STAP2: variants seen among roughly 807,000 people sequenced by gnomAD.
STAP2 encodes the protein signal-transducing adaptor protein 2.
In STAP2, 58 loss-of-function variants were observed where a neutral mutation model predicts 52.7. The ratio of observed to expected loss-of-function variants is 1.10; its 90% CI spans 0.89 to 1.37. The LOEUF (loss-of-function observed/expected upper bound fraction) is 1.37. STAP2 is among the 40% of genes most tolerant of loss of function. STAP2 has a pLI of 0.00. For missense variants in STAP2, 522 were observed against 519.4 expected (o/e 1.00, Z -0.05); for synonymous variants, 231 against 210.5 (o/e 1.10, Z -0.84).
chr19:4,324,250 C>T, intron 12 of STAP2, 53 bp from the exon 13 acceptor site: 2 of 1,528,818 alleles, frequency 1.3e-6, no homozygotes, highest in Non-Finnish European at 1.8e-6. Context: ...CCAGTCCATG[C>T]CCACCGCCCT....
At position 4,324,377 on chromosome 19, in the gene STAP2, C is replaced by T. The variant is rs574928006; in HGVS notation, c.1147+78G>A. 3.4e-5 allele frequency: 48 copies of T among 1,392,522 alleles called. No homozygotes were observed. In the East Asian group the frequency reaches 7.3e-4, roughly 21 times the overall value. 86.3% of individuals were successfully genotyped at this position (1,392,522 alleles called of 1,614,324 possible). A position where few individuals can be genotyped will look rare whatever the true frequency, so the allele number is the denominator to read the frequency against. On this transcript the variant is annotated intron_variant, in intron 12 of 12. Transcript: ENST00000594605. ...CAGAACCTTAAAAGACAGGGCGCTT[C>T]GGAGTGTGGGGACTTGTGTGACTGT...
intron 5 of STAP2, 120 bp downstream of exon 5, chr19:4,329,841 G>A (rs1248673175): frequency 1.3e-5 from 3 of 234,346 alleles, no homozygotes; most frequent in Admixed American, 4.4e-5. Context: ...CAGCCCCAAG[G>A]CAGTCCTCAT....
In STAP2 at chr19:4,324,629, C is replaced by T. The variant is rs771729090; in HGVS notation, c.1073-100G>A. 4.3e-5 allele frequency: 53 copies of T among 1,236,130 alleles called. No individual in the cohort carries two copies. Among genetic ancestry groups the T allele is most frequent in the South Asian group, 1.3e-4 (10 of 76,144 alleles). The allele number at this position is 1,236,130 out of a possible 1,614,324, so 76.6% of individuals were successfully genotyped here. A position where few individuals can be genotyped will look rare whatever the true frequency, so the allele number is the denominator to read the frequency against. The stretch of plus-strand genomic sequence containing the variant: ...GGTGGATCACTTGAGGTCAGGAGTT[C>T]GAGACCAGCCTGGGCAACATGGTGA... On this transcript the variant is annotated intron_variant, in intron 11 of 12. Transcript: ENST00000594605.
intron 6 of STAP2, among the ~76,000 whole-genome samples, chr19:4,327,892 GC>G (rs11353361): frequency 1 from 151,966 of 151,968 alleles, 75,982 homozygotes; most frequent in Middle Eastern, 1. Flanking sequence ...CGCCCCCAGG[GC>G]TGGCTCCGCC....
At chr19:4,337,404 G>GT (rs1971996966) in intron 1 of STAP2, among the ~76,000 whole-genome samples, 1 of 150,326 alleles carries the variant, frequency 6.7e-6, no homozygotes, top group South Asian at 2.2e-4. Flanking sequence ...GCTAATCTTT[G>GT]TATTTTTAGT....
At chr19:4,338,570 G>T in intron 1 of STAP2, 82 bp downstream of exon 1, 1 of 781,728 alleles carries the variant, frequency 1.3e-6, no homozygotes, top group Non-Finnish European at 1.8e-6. Context: ...CCCCCTTGGC[G>T]AGTGGGGAGA....
At chr19:4,333,840 C>T (rs1415102052) in intron 2 of STAP2, 24 bp from the exon 3 acceptor site, 2 of 1,613,794 alleles carry the variant, frequency 1.2e-6, no homozygotes, top group Non-Finnish European at 1.7e-6. Context: ...AGCAGGGGAT[C>T]TGGGCACCAG....
At position 4,333,831 on chromosome 19, in the gene STAP2, G is replaced by A. The variant is rs1174834348; in HGVS notation, c.175-15C>T. 6.2e-7 allele frequency: 1 copy of A among 1,613,732 alleles called. No homozygotes were observed. Among genetic ancestry groups the A allele is most frequent in the Non-Finnish European group, 8.5e-7 (1 of 1,179,946 alleles). On this transcript the variant is annotated splice_polypyrimidine_tract_variant and intron_variant, in intron 2 of 12. Transcript: ENST00000594605. ...TTCTCCACGTGCTGGGGGCATAGAA[G>A]CAGGGGATCTGGGCACCAGTTCCTT...
intron 5 of STAP2, among the ~76,000 whole-genome samples, chr19:4,329,695 C>G (rs1251107986): frequency 6.6e-6 from 1 of 152,140 alleles, no homozygotes; most frequent in Non-Finnish European, 1.5e-5. Context: ...CACCCCCAGA[C>G]CCTGTCCCTA....
At chr19:4,331,069 T>G (rs112594673) in intron 4 of STAP2, among the ~76,000 whole-genome samples, 14,435 of 150,704 alleles carry the variant, frequency 0.096, 920 homozygotes, top group South Asian at 0.21. Context: ...GTGGCTCACA[T>G]CTATAATCCT....
chr19:4,326,918 C>T (rs1265863616), intron 9 of STAP2, 24 bp downstream of exon 9: 5 of 1,550,454 alleles, frequency 3.2e-6, no homozygotes, highest in Non-Finnish European at 4.4e-6. Context: ...CCTCCCACCT[C>T]GGCCCGCGGG....
In STAP2 at chr19:4,331,403, C is replaced by T. The variant is rs376585024; in HGVS notation, c.354+619G>A. Among the ~76,000 whole-genome samples the T allele has an allele frequency of 1.3e-4, 19 of 151,840 alleles. 1 individual carries two copies. Among genetic ancestry groups the T allele is most frequent in the South Asian group, 8.3e-4 (4 of 4,818 alleles). ...ATCCCAGCACTTTGAGTGGCCAAGG[C>T]GGGCAGATGACTCAAGGTCAGTTCA... On this transcript the variant is annotated intron_variant, in intron 4 of 12. Coordinates refer to ENST00000594605, the MANE Select transcript of STAP2 (RefSeq NM_001013841.2).
Position 4,328,837 on chromosome 19 carries a change from G to T in STAP2, c.456-28C>A, listed in dbSNP as rs1049289202. 3.1e-6 allele frequency: 5 copies of T among 1,601,908 alleles called. No homozygotes were observed. In the East Asian group the frequency reaches 1.1e-4, roughly 36 times the overall value. ...GTGGCGGGCCGCGTCACCCACTCGG[G>T]ACCCCGGAGACCAAGTCCGCTCTTC... On this transcript the variant is annotated intron_variant, in intron 5 of 12. Transcript: ENST00000594605.
In STAP2 at chr19:4,334,030, G is replaced by C; in HGVS notation, c.117C>G (p.Phe39Leu). The C allele has an allele frequency of 6.2e-7, 1 of 1,611,254 alleles. No individual in the cohort carries two copies. Among genetic ancestry groups the C allele is most frequent in the African/African-American group, 1.3e-5 (1 of 74,828 alleles). Residue 39 changes from phenylalanine to leucine, a missense_variant, in exon 2 of 13, where the codon TTC becomes TTG. Transcript: ENST00000594605. ...KGPCDRDYKK[F>L]WAGLQGLTIY... ...TGGTGAGACCCTGCAGGCCTGCCCA[G>C]AACTTCTTGTAATCCTAGGGACCAG... is the stretch of plus-strand genomic sequence containing the variant.
chr19:4,327,098 C>T, intron 8 of STAP2, 26 bp downstream of exon 8: 1 of 1,613,492 alleles, frequency 6.2e-7, no homozygotes, highest in Non-Finnish European at 8.5e-7. Context: ...GCACTGGGCC[C>T]CCGAACTCCC....
chr19:4,327,413 C>T (rs1971813187), intron 6 of STAP2, 28 bp from the exon 7 acceptor site: 1 of 1,613,306 alleles, frequency 6.2e-7, no homozygotes, highest in African/African-American at 1.3e-5. Context: ...GAGTGAGTGG[C>T]TCAGCCCAGG....
chr19:4,327,685 G>A (rs969518630), intron 6 of STAP2, among the ~76,000 whole-genome samples: 6 of 151,940 alleles, frequency 3.9e-5, no homozygotes, highest in African/African-American at 1.5e-4. Flanking sequence ...GAGGGACCAG[G>A]CCAGACTGAC....
chr19:4,334,752 A>C (rs544026038), intron 1 of STAP2, among the ~76,000 whole-genome samples: 1 of 82,224 alleles, frequency 1.2e-5, no homozygotes, highest in Non-Finnish European at 2.4e-5. Context: ...CCCACCATCC[A>C]TCCAGTCATC....
At chr19:4,324,977 A>C (rs1038808937) in intron 11 of STAP2, 3 of 503,206 alleles carry the variant, frequency 6.0e-6, no homozygotes, top group Admixed American at 6.5e-5. Flanking sequence ...TACTAAAAAT[A>C]CAAAAAAAAA....
Sources: allele counts gnomAD v4.1 joint callset (sites outside exome capture counted in the v4.1 genomes callset), GRCh38; gene constraint gnomAD v4.1.1; transcripts MANE v1.5; gene names NCBI Gene and HGNC (gene_info 2026-07-23, HGNC 2026-07-21).